The following KDM4B variants were observed in gnomAD, a reference collection of about 807,000 sequenced individuals.
KDM4B encodes the protein lysine-specific demethylase 4B.
KDM4B carries 32 observed loss-of-function variants against 125.2 expected under a neutral mutation model. The observed-to-expected ratio is 0.26, with a 90% CI of 0.19 to 0.34. KDM4B has a LOEUF of 0.34. Among genes scored for constraint, KDM4B ranks in the 10% least tolerant of loss-of-function variants. The pLI is 1.00. For synonymous variants in KDM4B, 721 were observed against 677.9 expected (o/e 1.06, Z -0.99); for missense variants, 1,190 against 1,577.7 (o/e 0.75, Z 4.16).
chr19:4,989,683 C>T (rs1043678719), intron 1 of KDM4B, among the ~76,000 whole-genome samples: 3 of 145,934 alleles, frequency 2.1e-5, no homozygotes, highest in Non-Finnish European at 3.0e-5. Flanking sequence ...GATGGAGTTT[C>T]ACTTTGTTGT....
intron 9 of KDM4B, among the ~76,000 whole-genome samples, chr19:5,094,517 C>T (rs1030582709): frequency 5.3e-5 from 8 of 152,022 alleles, no homozygotes; most frequent in Middle Eastern, 3.4e-3. Context: ...GGGAGCCCGG[C>T]GTGGATGGCC....
At chr19:5,028,407 G>A (rs1420061365) in intron 2 of KDM4B, among the ~76,000 whole-genome samples, 1 of 152,202 alleles carries the variant, frequency 6.6e-6, no homozygotes, top group Non-Finnish European at 1.5e-5. Flanking sequence ...CTGTGTCAGA[G>A]CCTCGTTGCT....
At chr19:4,970,665 C>T (rs554996656) in intron 1 of KDM4B, among the ~76,000 whole-genome samples, 2 of 146,328 alleles carry the variant, frequency 1.4e-5, no homozygotes, top group Admixed American at 1.4e-4. Context: ...TCCCCTAATT[C>T]TCCAATAATA....
chr19:5,147,828 G>A (rs1313322777), intron 21 of KDM4B, among the ~76,000 whole-genome samples: 6 of 152,152 alleles, frequency 3.9e-5, no homozygotes, highest in Admixed American at 3.3e-4. Context: ...GGTGGTATCG[G>A]AAGCCAGCAA....
At chr19:4,980,841 C>G (rs995514282) in intron 1 of KDM4B, among the ~76,000 whole-genome samples, 8 of 150,234 alleles carry the variant, frequency 5.3e-5, no homozygotes, top group Non-Finnish European at 1.0e-4. Flanking sequence ...CAGCCCCATC[C>G]TCTCCCCAGT....
chr19:5,128,127 G>A (rs1047061916), intron 11 of KDM4B, among the ~76,000 whole-genome samples: 5 of 151,634 alleles, frequency 3.3e-5, no homozygotes, highest in African/African-American at 7.3e-5. Context: ...AGGACAGCCC[G>A]GCTCTGTGTC....
chr19:5,063,407 G>A (rs545433590), intron 6 of KDM4B, among the ~76,000 whole-genome samples: 1 of 152,252 alleles, frequency 6.6e-6, no homozygotes, highest in African/African-American at 2.4e-5. Context: ...GCTCAGTAAC[G>A]TCAGATATTC....
intron 21 of KDM4B, among the ~76,000 whole-genome samples, chr19:5,148,597 A>T (rs1282207227): frequency 1.3e-5 from 2 of 152,182 alleles, no homozygotes; most frequent in Non-Finnish European, 2.9e-5. Flanking sequence ...GAAAGGCAGC[A>T]GGTGGGCCCT....
intron 2 of KDM4B, among the ~76,000 whole-genome samples, chr19:5,016,936 C>T (rs1265595784): frequency 6.6e-6 from 1 of 152,232 alleles, no homozygotes; most frequent in Non-Finnish European, 1.5e-5. Context: ...CCCTTCTGGC[C>T]ACACCCACAG....
chr19:5,067,029 G>C (rs1398644869), intron 6 of KDM4B, among the ~76,000 whole-genome samples: 1 of 152,156 alleles, frequency 6.6e-6, no homozygotes, highest in East Asian at 1.9e-4. Context: ...TTTAGAACCA[G>C]ATTCCTCCAG....
chr19:5,100,996 G>C (rs549983097), intron 9 of KDM4B, among the ~76,000 whole-genome samples: 8 of 152,140 alleles, frequency 5.3e-5, no homozygotes, highest in African/African-American at 1.9e-4. Flanking sequence ...TGAGGCGGGC[G>C]GATCACCTGA....
intron 6 of KDM4B, among the ~76,000 whole-genome samples, chr19:5,055,617 G>A (rs932144612): frequency 7.2e-5 from 11 of 152,072 alleles, no homozygotes; most frequent in African/African-American, 2.7e-4. Context: ...CCCGTGATGG[G>A]GGCTGGGAGG....
At chr19:5,144,193 C>T in intron 19 of KDM4B, 41 bp downstream of exon 19, 1 of 1,585,676 alleles carries the variant, frequency 6.3e-7, no homozygotes, top group Non-Finnish European at 8.6e-7. Context: ...CCCCTGGCTC[C>T]CGCCCCCACC....
At chr19:5,038,635 C>T (rs149640069) in intron 3 of KDM4B, among the ~76,000 whole-genome samples, 1,792 of 152,308 alleles carry the variant, frequency 0.012, 18 homozygotes, top group Middle Eastern at 0.024. Flanking sequence ...TCCACGTGGC[C>T]GCCAGGCTAG....
chr19:5,076,708 CGTT>C (rs1342014660), intron 7 of KDM4B: 2 of 155,388 alleles, frequency 1.3e-5, no homozygotes, highest in African/African-American at 4.9e-5. Flanking sequence ...TGTGCTCTCT[CGTT>C]GACCGAGTGA....
At chr19:4,986,003 G>A (rs1349473517) in intron 1 of KDM4B, among the ~76,000 whole-genome samples, 3 of 152,222 alleles carry the variant, frequency 2.0e-5, no homozygotes, top group Non-Finnish European at 4.4e-5. Flanking sequence ...TCTCTTCTCA[G>A]CCTGAGCTTC....
At chr19:5,116,849 GAGA>G (rs1413237434) in intron 10 of KDM4B, among the ~76,000 whole-genome samples, 7 of 152,212 alleles carry the variant, frequency 4.6e-5, no homozygotes, top group African/African-American at 1.7e-4. Context: ...GGTGCAGGGA[GAGA>G]AGGGGACGGT....
At position 5,131,318 on chromosome 19, in the gene KDM4B, G is replaced by A. The variant is rs371930777; in HGVS notation, c.1558G>A (p.Ala520Thr). 5.6e-6 allele frequency: 9 copies of A among 1,612,124 alleles called. No individual in the cohort carries two copies. The East Asian group carries it at 1.8e-4, about 32-fold the overall frequency. ...TGAGGTGCCCAGTGAGGAGCTAGAG[G>A]CCAAGCCTCGGCCCATCATCCCCAT... ...PPEVPSEELE[A>T]KPRPIIPMLY... Residue 520 changes from alanine to threonine, a missense_variant, in exon 12 of 23, where the codon GCC becomes ACC. Coordinates refer to ENST00000159111, the MANE Select transcript of KDM4B (RefSeq NM_015015.3).
chr19:5,023,987 A>G (rs2036204321), intron 2 of KDM4B, among the ~76,000 whole-genome samples: 3 of 152,008 alleles, frequency 2.0e-5, no homozygotes, highest in South Asian at 2.1e-4. Flanking sequence ...TCTAGCCCCA[A>G]GTGATCACCC....
Sources: allele counts gnomAD v4.1 joint callset (sites outside exome capture counted in the v4.1 genomes callset), GRCh38; gene constraint gnomAD v4.1.1; transcripts MANE v1.5; gene names NCBI Gene and HGNC (gene_info 2026-07-23, HGNC 2026-07-21).